Variants in ADGRE3 observed in about 807,000 individuals in gnomAD.
ADGRE3 encodes the protein EGF-like module receptor 3.
In ADGRE3, 88 loss-of-function variants were observed where a neutral mutation model predicts 80.1. The observed-to-expected ratio is 1.10, with a 90% CI of 0.93 to 1.31. The LOEUF (loss-of-function observed/expected upper bound fraction) is 1.31. ADGRE3 is among the 40% of genes most tolerant of loss of function. The pLI is 0.00. For missense variants in ADGRE3, 715 were observed against 776.5 expected, an observed-to-expected ratio of 0.92 and a Z score of 0.94; for synonymous variants, 281 against 294.8, an observed-to-expected ratio of 0.95 and a Z score of 0.48.
downstream of ADGRE3, among the ~76,000 whole-genome samples, chr19:14,615,450 A>G (rs1048234734): frequency 1.3e-5 from 2 of 152,006 alleles, no homozygotes. Flanking sequence ...AAAATTAAAA[A>G]AAATTTTTTT....
chr19:14,641,774 C>T (rs1971259296), intron 9 of ADGRE3, among the ~76,000 whole-genome samples, 158 bp from the exon 10 acceptor site: 1 of 152,104 alleles, frequency 6.6e-6, no homozygotes, highest in Non-Finnish European at 1.5e-5. Context: ...TGCTAATATA[C>T]ACTGCTAATA....
At chr19:14,624,001 G>A (rs1297558105) in intron 15 of ADGRE3, among the ~76,000 whole-genome samples, 1 of 151,880 alleles carries the variant, frequency 6.6e-6, no homozygotes, top group Non-Finnish European at 1.5e-5. Context: ...GCTACCCTAC[G>A]TTTCCCAGGC....
At chr19:14,666,056 A>G (rs564439373) in intron 2 of ADGRE3, among the ~76,000 whole-genome samples, 47 of 147,268 alleles carry the variant, frequency 3.2e-4, no homozygotes, top group Middle Eastern at 3.6e-3. Flanking sequence ...TTGTACTGCT[A>G]TAAACATGCT....
intron 8 of ADGRE3, 98 bp downstream of exon 8, chr19:14,647,083 G>T: frequency 1.1e-6 from 1 of 950,026 alleles, no homozygotes; most frequent in Non-Finnish European, 1.6e-6. Context: ...CTACGACCCT[G>T]AACAGAGTGG....
chr19:14,607,240 T>C, the ADGRE3 span: 3 of 305,068 alleles, frequency 9.8e-6, no homozygotes, highest in Non-Finnish European at 1.8e-5. Flanking sequence ...AGTCTTGCTC[T>C]GTCGCCCAGG....
the ADGRE3 span, among the ~76,000 whole-genome samples, chr19:14,606,803 C>T: frequency 3.3e-5 from 5 of 152,080 alleles, no homozygotes; most frequent in Middle Eastern, 3.4e-3. Context: ...AAAAGTAGCA[C>T]GATTATTCCC....
At chr19:14,657,554 C>CTATA (rs35910733) in intron 5 of ADGRE3, among the ~76,000 whole-genome samples, 99 of 149,532 alleles carry the variant, frequency 6.6e-4, no homozygotes, top group African/African-American at 8.4e-4. Context: ...ATACCTATAT[C>CTATA]TATATATATA....
At position 14,660,407 on chromosome 19, in the gene ADGRE3, G is replaced by C. The variant is rs539198080; in HGVS notation, c.355+1556C>G. Among the ~76,000 whole-genome samples, 5 of 152,128 alleles carry C rather than the reference G, an allele frequency of 3.3e-5. No homozygotes were observed. The East Asian group carries it at 9.7e-4, about 29-fold the overall frequency. On this transcript the variant is annotated intron_variant, in intron 4 of 15. Coordinates refer to ENST00000253673, the MANE Select transcript of ADGRE3 (RefSeq NM_032571.5). ...TTTGGGAGGCCAAGGCAGAAGGATC[G>C]CTTGAGACCAGGAGTTTGAGATCAG...
At chr19:14,674,481 AGT>A (rs1490510893) in intron 1 of ADGRE3, among the ~76,000 whole-genome samples, 3 of 152,022 alleles carry the variant, frequency 2.0e-5, no homozygotes, top group Non-Finnish European at 4.4e-5. Context: ...TGGGTGACAG[AGT>A]GAGATTCTGT....
rs1364617060 is a variant in ADGRE3 at position 14,663,659 on chromosome 19, T to C, written c.77-119A>G. On this transcript the variant is annotated intron_variant, in intron 2 of 15. Transcript: ENST00000253673. ...TTCAAGAGCAGCCTGGCCAACATAC[T>C]GAAACCCCATTTCTACTAAAAATAC... is the stretch of plus-strand genomic sequence containing the variant. The C allele has an allele frequency of 5.4e-5, 66 of 1,228,538 alleles. 1 individual carries two copies. The highest frequency in any genetic ancestry group is 6.8e-5 in the Non-Finnish European group (62 of 906,622). 76.1% of individuals were successfully genotyped at this position (1,228,538 alleles called of 1,614,324 possible).
At chr19:14,674,189 A>G (rs1972328738) in intron 1 of ADGRE3, among the ~76,000 whole-genome samples, 1 of 152,134 alleles carries the variant, frequency 6.6e-6, no homozygotes. Flanking sequence ...AAAACTTGCC[A>G]AGAGGAAGAT....
chr19:14,615,008 C>T (rs1225950703), downstream of ADGRE3, among the ~76,000 whole-genome samples: 3 of 151,704 alleles, frequency 2.0e-5, no homozygotes, highest in African/African-American at 4.8e-5. Context: ...ACCTCAGCCT[C>T]CCAAGTAGCT....
In ADGRE3 at chr19:14,674,834, C is replaced by T. The variant is rs1972353113; in HGVS notation, c.-64G>A. ...AGCTCTCTACTGTGCCGTAAGCCAA[C>T]CACCTTTCCTAGCTCAAGAAATCCC... On this transcript the variant is annotated 5_prime_UTR_variant, in exon 1 of 16. Coordinates refer to ENST00000253673, the MANE Select transcript of ADGRE3 (RefSeq NM_032571.5). 6.5e-7 allele frequency: 1 copy of T among 1,541,318 alleles called. No homozygotes were observed. The highest frequency in any genetic ancestry group is 1.1e-5 in the South Asian group (1 of 87,084).
intron 15 of ADGRE3, among the ~76,000 whole-genome samples, chr19:14,624,258 C>G (rs1970677319): frequency 6.6e-6 from 1 of 152,118 alleles, no homozygotes; most frequent in African/African-American, 2.4e-5. Flanking sequence ...CCATGCCCAG[C>G]TAATTTTGTA....
chr19:14,634,860 G>C (rs111842966), intron 11 of ADGRE3, among the ~76,000 whole-genome samples: 27 of 39,538 alleles, frequency 6.8e-4, no homozygotes, highest in Non-Finnish European at 1.7e-3. Flanking sequence ...TAAATTCCTC[G>C]GCTACAAGAA....
chr19:14,660,490 T>C (rs1409130487), intron 4 of ADGRE3, among the ~76,000 whole-genome samples: 1 of 152,012 alleles, frequency 6.6e-6, no homozygotes, highest in African/African-American at 2.4e-5. Context: ...TAGCCAGGTA[T>C]GGTGGCTCAT....
At chr19:14,612,329 C>T in the ADGRE3 span, among the ~76,000 whole-genome samples, 1 of 152,014 alleles carries the variant, frequency 6.6e-6, no homozygotes, top group East Asian at 1.9e-4. Flanking sequence ...GGGTCCTAAT[C>T]TCCTCCTCCT....
intron 13 of ADGRE3, among the ~76,000 whole-genome samples, chr19:14,632,164 A>G (rs1359071994): frequency 1.3e-5 from 2 of 152,200 alleles, no homozygotes. Context: ...TAATTTAAGC[A>G]TGTGATTTAA....
chr19:14,635,368 GT>G (rs1404423444), intron 11 of ADGRE3, among the ~76,000 whole-genome samples: 1 of 151,412 alleles, frequency 6.6e-6, no homozygotes. Flanking sequence ...CCTTCCCAAA[GT>G]GCTGGGGTTA....
Sources: gnomAD v4.1 joint callset for allele counts (sites outside exome capture counted in the v4.1 genomes callset) on GRCh38, gnomAD v4.1.1 for gene constraint, MANE v1.5 for transcripts, NCBI Gene and HGNC (gene_info 2026-07-23, HGNC 2026-07-21) for gene names.